Variants in PCDHGA4 observed in about 807,000 individuals in gnomAD.
The protein encoded by PCDHGA4 is protocadherin gamma-A4.
In PCDHGA4, 38 loss-of-function variants were observed where a neutral mutation model predicts 54.6. The observed-to-expected ratio is 0.70, with a 90% CI of 0.54 to 0.91. The LOEUF is 0.91. Among genes scored for constraint, PCDHGA4 ranks in the 40% least tolerant of loss-of-function variants. The pLI is 0.00. For synonymous variants in PCDHGA4, 511 were observed against 512.9 expected (o/e 1.00, Z 0.05); for missense variants, 1,298 against 1,220.9 (o/e 1.06, Z -0.94).
intron 1 of PCDHGA4, chr5:141,361,442 T>A: frequency 6.2e-7 from 1 of 1,613,990 alleles, no homozygotes. Context: ...TCCTCCAGCA[T>A]AATTGTCACC....
Position 141,476,024 on chromosome 5 carries a change from C to T in PCDHGA4, c.2515-18783C>T. ...ATCCAGAAAGCCATGTCGGACTCGG[C>T]GCCCAGCGCCCAAGCGCTAACCCGC... On this transcript the variant is annotated intron_variant, in intron 1 of 3. Coordinates refer to ENST00000571252, the MANE Select transcript of PCDHGA4 (RefSeq NM_018917.4). The surrounding 1 kb of genome is among the most constrained non-coding windows in gnomAD (Gnocchi z 7.6). The T allele has an allele frequency of 1.4e-6, 2 of 1,416,548 alleles. No individual in the cohort carries two copies. Among genetic ancestry groups the T allele is most frequent in the Non-Finnish European group, 9.5e-7 (1 of 1,058,066 alleles). 87.7% of individuals were successfully genotyped at this position (1,416,548 alleles called of 1,614,324 possible).
intron 1 of PCDHGA4, chr5:141,374,609 A>T (rs1189289267): frequency 1.9e-6 from 3 of 1,613,652 alleles, no homozygotes; most frequent in Non-Finnish European, 2.5e-6. Context: ...CAGTGGTAAT[A>T]GTCACTTCTC....
At chr5:141,448,907 T>G (rs1253773780) in intron 1 of PCDHGA4, among the ~76,000 whole-genome samples, 1 of 152,178 alleles carries the variant, frequency 6.6e-6, no homozygotes, top group African/African-American at 2.4e-5. Flanking sequence ...ATCGTGCCAC[T>G]GCACTCCAGC....
At chr5:141,494,099 C>T (rs976610819) in intron 1 of PCDHGA4, among the ~76,000 whole-genome samples, 3 of 152,172 alleles carry the variant, frequency 2.0e-5, no homozygotes, top group South Asian at 2.1e-4. Context: ...CATTTTTCTC[C>T]GTCTCAGACA....
At chr5:141,365,903 T>C (rs776227569) in intron 1 of PCDHGA4, 1 of 1,614,140 alleles carries the variant, frequency 6.2e-7, no homozygotes, top group Non-Finnish European at 8.5e-7. Context: ...CTATGAGCAG[T>C]TGAGAGACCT....
At chr5:141,388,824 T>A in intron 1 of PCDHGA4, 1 of 1,613,960 alleles carries the variant, frequency 6.2e-7, no homozygotes, top group Non-Finnish European at 8.5e-7. Flanking sequence ...CAAAGAATAT[T>A]CCATAGTTTT....
At chr5:141,374,379 G>T in intron 1 of PCDHGA4, 11 of 1,614,042 alleles carry the variant, frequency 6.8e-6, no homozygotes, top group Non-Finnish European at 9.3e-6. Flanking sequence ...TGTGCTCAGA[G>T]CCCGCGGTGT....
intron 1 of PCDHGA4, chr5:141,360,088 C>G (rs1443293202): frequency 6.7e-7 from 1 of 1,503,738 alleles, no homozygotes; most frequent in Non-Finnish European, 8.9e-7. Context: ...CTGCCATCCC[C>G]GGAAGGCTTA....
At chr5:141,401,296 C>A (rs2094138441) in intron 1 of PCDHGA4, among the ~76,000 whole-genome samples, 1 of 152,104 alleles carries the variant, frequency 6.6e-6, no homozygotes, top group Non-Finnish European at 1.5e-5. Flanking sequence ...GAGCCGAGAT[C>A]ACTCCATTGC....
At position 141,470,874 on chromosome 5, in the gene PCDHGA4, T is replaced by G. The variant is rs146599745; in HGVS notation, c.2515-23933T>G. ...AGATAAGTTTTTTGTTTGTTTGTTT[T>G]TTTGTTTTTGTTTTTGTTTTTTGTA... On this transcript the variant is annotated intron_variant, in intron 1 of 3. Coordinates refer to ENST00000571252, the MANE Select transcript of PCDHGA4 (RefSeq NM_018917.4). 1.4e-3 allele frequency among the ~76,000 whole-genome samples: 218 copies of G among 151,820 alleles called. 1 individual carries two copies. Among genetic ancestry groups the G allele is most frequent in the Middle Eastern group, 0.01 (3 of 294 alleles).
chr5:141,384,134 G>A (rs746106528), intron 1 of PCDHGA4: 1 of 1,611,962 alleles, frequency 6.2e-7, no homozygotes, highest in Admixed American at 1.7e-5. Flanking sequence ...AACTTGGACC[G>A]GGAAACACTC....
At chr5:141,506,053 T>C (rs1486313858) in intron 3 of PCDHGA4, among the ~76,000 whole-genome samples, 1 of 152,126 alleles carries the variant, frequency 6.6e-6, no homozygotes, top group Non-Finnish European at 1.5e-5. Context: ...TCCCATAAGG[T>C]TGACTAAGGG....
intron 1 of PCDHGA4, chr5:141,370,741 T>C (rs746594689): frequency 6.2e-7 from 1 of 1,613,900 alleles, no homozygotes; most frequent in Non-Finnish European, 8.5e-7. Flanking sequence ...CCTTTAAACT[T>C]TTTTCATGTA....
intron 1 of PCDHGA4, among the ~76,000 whole-genome samples, chr5:141,426,066 A>T (rs1488003387): frequency 6.6e-6 from 1 of 152,196 alleles, no homozygotes; most frequent in Admixed American, 6.5e-5. Context: ...CAAGAACTGG[A>T]GCCTGGGATC....
At chr5:141,361,947 G>T in intron 1 of PCDHGA4, 1 of 1,604,064 alleles carries the variant, frequency 6.2e-7, no homozygotes, top group South Asian at 1.1e-5. Flanking sequence ...ACGCTTGGCT[G>T]TCCTACCACG....
chr5:141,413,263 G>A, intron 1 of PCDHGA4: 1 of 1,613,940 alleles, frequency 6.2e-7, no homozygotes, highest in Admixed American at 1.7e-5. Flanking sequence ...TCCATGGGAG[G>A]CTGGAGCCCG....
intron 1 of PCDHGA4, chr5:141,433,041 C>G (rs1171788078): frequency 6.2e-7 from 1 of 1,614,036 alleles, no homozygotes; most frequent in Non-Finnish European, 8.5e-7. Flanking sequence ...TCCCTCACCA[C>G]GGACTCGCGG....
Position 141,511,345 on chromosome 5 carries a change from TC to T in PCDHGA4, c.*179del, listed in dbSNP as rs535135679. On this transcript the variant is annotated 3_prime_UTR_variant, in exon 4 of 4. Coordinates refer to ENST00000571252, the MANE Select transcript of PCDHGA4 (RefSeq NM_018917.4). ...AAGTGCCCAGTCAGCACCTACCCCTTCCCCCCCAGGGGGTTGAATATGCAAA... is the reference window on the plus strand; with the variant it reads ...AAGTGCCCAGTCAGCACCTACCCCTTCCCCCCAGGGGGTTGAATATGCAAA... The T allele has an allele frequency of 2.2e-5, 31 of 1,410,342 alleles. No individual in the cohort carries two copies. Among genetic ancestry groups the T allele is most frequent in the South Asian group, 2.9e-5 (2 of 68,200 alleles). 87.4% of individuals were successfully genotyped at this position (1,410,342 alleles called of 1,614,324 possible). A position where few individuals can be genotyped will look rare whatever the true frequency, so the allele number is the denominator to read the frequency against.
intron 1 of PCDHGA4, chr5:141,400,128 G>A: frequency 6.2e-7 from 1 of 1,614,080 alleles, no homozygotes; most frequent in South Asian, 1.1e-5. Flanking sequence ...TGCAGGAGGT[G>A]CTGCCGGATA....
Sources: allele counts gnomAD v4.1 joint callset (sites outside exome capture counted in the v4.1 genomes callset), GRCh38; gene constraint gnomAD v4.1.1; non-coding constraint Gnocchi (gnomAD v3.1); transcripts MANE v1.5; gene names NCBI Gene and HGNC (gene_info 2026-07-23, HGNC 2026-07-21).